Variants in NOL10 observed in about 807,000 individuals in gnomAD.
The protein encoded by NOL10 is H_NH0074G24.1.
In NOL10, 58 loss-of-function variants were observed where a neutral mutation model predicts 103.5. The observed-to-expected ratio is 0.56, with a 90% CI of 0.45 to 0.70. The LOEUF (loss-of-function observed/expected upper bound fraction) is 0.70, where lower values mean the gene tolerates loss of function less well. Ranked by LOEUF, NOL10 falls within the 30% of genes least tolerant of loss-of-function variation. The pLI is 0.00. For synonymous variants in NOL10, 287 were observed against 282.5 expected (o/e 1.02, Z -0.16); for missense variants, 763 against 807.3 (o/e 0.95, Z 0.67).
At position 10,577,725 on chromosome 2, in the gene NOL10, C is replaced by T; in HGVS notation, c.1858G>A (p.Asp620Asn). The T allele has an allele frequency of 6.2e-7, 1 of 1,608,050 alleles. No homozygotes were observed. Among genetic ancestry groups the T allele is most frequent in the East Asian group, 2.2e-5 (1 of 44,790 alleles). The change falls in exon 20 of 21, where the codon GAT becomes AAT. Residue 620 changes from aspartate to asparagine, a missense_variant. Asp to Asn is a conservative substitution (Grantham distance 23, BLOSUM62 1). Coordinates refer to ENST00000381685, the MANE Select transcript of NOL10 (RefSeq NM_024894.4). ...TTTTTTGCTTCAATTTTCAAACGATCTTCAAGGGTTTTGCTATGGGAAATT... is the reference window on the plus strand; with the variant it reads ...TTTTTTGCTTCAATTTTCAAACGATTTTCAAGGGTTTTGCTATGGGAAATT... ...KQKLMNKTLE[D>N]RLKIEAKNGT...
intron 3 of NOL10, among the ~76,000 whole-genome samples, chr2:10,677,647 AT>A (rs992128447): frequency 2.3e-4 from 35 of 151,670 alleles, no homozygotes; most frequent in African/African-American, 8.0e-4. Context: ...TAATTTTTGT[AT>A]TTTTTGTAAA....
chr2:10,683,898 G>T (rs1681958540), intron 2 of NOL10, among the ~76,000 whole-genome samples: 1 of 152,088 alleles, frequency 6.6e-6, no homozygotes, highest in Non-Finnish European at 1.5e-5. Flanking sequence ...CCATGAAACG[G>T]TAACAGGCTA....
chr2:10,612,300 A>C (rs10201077), intron 13 of NOL10, among the ~76,000 whole-genome samples: 89,866 of 151,884 alleles, frequency 0.59, 27,592 homozygotes, highest in African/African-American at 0.74. Flanking sequence ...TGATTAAAAC[A>C]ACAACAAAGT....
At chr2:10,601,507 T>G (rs550710038) in intron 16 of NOL10, among the ~76,000 whole-genome samples, 2 of 152,268 alleles carry the variant, frequency 1.3e-5, no homozygotes, top group East Asian at 3.9e-4. Context: ...CCCAGGGCAC[T>G]GAGAGCCTCT....
intron 12 of NOL10, among the ~76,000 whole-genome samples, chr2:10,650,705 A>G (rs1026240302): frequency 6.6e-6 from 1 of 152,104 alleles, no homozygotes; most frequent in African/African-American, 2.4e-5. Context: ...GCAGTGAGCT[A>G]TAATTGTGCC....
intron 8 of NOL10, among the ~76,000 whole-genome samples, chr2:10,664,174 T>C (rs2148329356): frequency 6.6e-6 from 1 of 151,604 alleles, no homozygotes; most frequent in African/African-American, 2.4e-5. Context: ...CTTATGCCTG[T>C]AATCCCAGCA....
At chr2:10,603,983 A>G (rs926967219) in intron 14 of NOL10, among the ~76,000 whole-genome samples, 1 of 152,204 alleles carries the variant, frequency 6.6e-6, no homozygotes, top group African/African-American at 2.4e-5. Context: ...TGTAGAAGAC[A>G]ATTTTTCCAC....
chr2:10,681,943 T>G, intron 3 of NOL10, 28 bp downstream of exon 3: 2 of 1,094,868 alleles, frequency 1.8e-6, no homozygotes, highest in Non-Finnish European at 1.3e-6. Context: ...ACAAAATGCA[T>G]GAAAATCATA....
chr2:10,602,742 C>T, intron 16 of NOL10, 34 bp downstream of exon 16: 5 of 1,294,340 alleles, frequency 3.9e-6, no homozygotes, highest in Non-Finnish European at 5.5e-6. Context: ...AAGTACTCTT[C>T]TCTGATAAAT....
intron 3 of NOL10, among the ~76,000 whole-genome samples, chr2:10,681,054 T>C (rs1028955297): frequency 3.6e-4 from 55 of 152,270 alleles, no homozygotes; most frequent in African/African-American, 1.3e-3. Context: ...GACTTAGAAG[T>C]TTCCCAGAAC....
At chr2:10,636,305 T>G (rs1369001860) in intron 13 of NOL10, among the ~76,000 whole-genome samples, 1 of 150,580 alleles carries the variant, frequency 6.6e-6, no homozygotes, top group Non-Finnish European at 1.5e-5. Flanking sequence ...CACAGTGGCT[T>G]ACACCTGTAA....
chr2:10,595,480 A>G (rs1210794644), intron 17 of NOL10, among the ~76,000 whole-genome samples: 1 of 152,038 alleles, frequency 6.6e-6, no homozygotes, highest in Non-Finnish European at 1.5e-5. Flanking sequence ...AATGTTTTGT[A>G]GAGATGCGGT....
intron 19 of NOL10, among the ~76,000 whole-genome samples, chr2:10,578,268 C>T (rs375274640): frequency 5.3e-5 from 8 of 152,114 alleles, no homozygotes; most frequent in East Asian, 1.9e-4. Flanking sequence ...GTCTTAACTC[C>T]GTAGACTGCA....
At chr2:10,637,487 C>T (rs1678342076) in intron 13 of NOL10, among the ~76,000 whole-genome samples, 1 of 152,192 alleles carries the variant, frequency 6.6e-6, no homozygotes, top group African/African-American at 2.4e-5. Flanking sequence ...TCTGCCCTAG[C>T]CCAGTGACTG....
intron 17 of NOL10, among the ~76,000 whole-genome samples, chr2:10,593,641 A>C (rs1246561676): frequency 6.6e-6 from 1 of 152,256 alleles, no homozygotes; most frequent in African/African-American, 2.4e-5. Flanking sequence ...TTTGGAAGCC[A>C]GAAAGAAAGC....
At chr2:10,612,886 AGGTAT>A (rs1676644435) in intron 13 of NOL10, among the ~76,000 whole-genome samples, 1 of 151,894 alleles carries the variant, frequency 6.6e-6, no homozygotes, top group African/African-American at 2.4e-5. Flanking sequence ...AAAATTAACC[AGGTAT>A]GGTGGCATGT....
intron 17 of NOL10, among the ~76,000 whole-genome samples, chr2:10,591,875 T>C (rs1357412201): frequency 6.6e-6 from 1 of 152,094 alleles, no homozygotes; most frequent in Non-Finnish European, 1.5e-5. Flanking sequence ...TGGTGGTGCA[T>C]GCCTGTAGTC....
chr2:10,641,105 G>A (rs1389122148), intron 13 of NOL10, among the ~76,000 whole-genome samples: 1 of 150,970 alleles, frequency 6.6e-6, no homozygotes, highest in Admixed American at 6.6e-5. Context: ...TGGATCACAT[G>A]AGGTCAGGAG....
intron 13 of NOL10, among the ~76,000 whole-genome samples, chr2:10,634,217 T>C (rs1678034464): frequency 6.6e-6 from 1 of 152,066 alleles, no homozygotes; most frequent in Non-Finnish European, 1.5e-5. Flanking sequence ...AGCAGAAAGA[T>C]CAGTTATCCA....
Sources: gnomAD v4.1 joint callset for allele counts (sites outside exome capture counted in the v4.1 genomes callset) on GRCh38, gnomAD v4.1.1 for gene constraint, MANE v1.5 for transcripts, NCBI Gene and HGNC (gene_info 2026-07-23, HGNC 2026-07-21) for gene names.